AGBL4: variants seen among roughly 807,000 people sequenced by gnomAD.
AGBL4 encodes the protein AGBL carboxypeptidase 4.
AGBL4 carries 58 observed loss-of-function variants against 66.4 expected under a neutral mutation model. The ratio of observed to expected loss-of-function variants is 0.87; its 90% CI spans 0.71 to 1.09. The LOEUF (loss-of-function observed/expected upper bound fraction) is 1.09. Ranked by LOEUF, AGBL4 falls within the 50% of genes least tolerant of loss-of-function variation. The probability of loss-of-function intolerance (pLI) is 0.00; values close to 1 mark genes in which losing one functional copy is unlikely to be tolerated. For missense variants in AGBL4, 579 were observed against 631.0 expected, an observed-to-expected ratio of 0.92 and a Z score of 0.88; for synonymous variants, 234 against 222.9, an observed-to-expected ratio of 1.05 and a Z score of -0.44.
intron 3 of AGBL4, among the ~76,000 whole-genome samples, chr1:49,342,500 T>C (rs1354987009): frequency 6.6e-6 from 1 of 152,182 alleles, no homozygotes; most frequent in East Asian, 1.9e-4. Flanking sequence ...TTTGTGACCA[T>C]GTGGGGGTAA....
At chr1:49,174,152 T>C (rs1646788881) in intron 4 of AGBL4, among the ~76,000 whole-genome samples, 1 of 152,104 alleles carries the variant, frequency 6.6e-6, no homozygotes, top group South Asian at 2.1e-4. Context: ...TAAACAAAAA[T>C]GGGCAATGAA....
chr1:49,095,612 G>T (rs1412190387), intron 4 of AGBL4, among the ~76,000 whole-genome samples: 3 of 151,822 alleles, frequency 2.0e-5, no homozygotes, highest in Non-Finnish European at 4.4e-5. Flanking sequence ...TTAATAAATG[G>T]TGCTGGGAAA....
intron 4 of AGBL4, among the ~76,000 whole-genome samples, chr1:49,161,406 G>C (rs1646539616): frequency 1.3e-5 from 2 of 152,132 alleles, no homozygotes; most frequent in African/African-American, 4.8e-5. Context: ...GTCCCAATGA[G>C]ATGAACTGGT....
chr1:49,029,457 T>C (rs943776877), intron 5 of AGBL4, among the ~76,000 whole-genome samples: 3 of 152,112 alleles, frequency 2.0e-5, no homozygotes, highest in African/African-American at 7.2e-5. Flanking sequence ...GGATAAAATA[T>C]GTAGAAATGA....
At chr1:48,522,535 C>G in the AGBL4 span, among the ~76,000 whole-genome samples, 1 of 152,174 alleles carries the variant, frequency 6.6e-6, no homozygotes, top group Non-Finnish European at 1.5e-5. Context: ...AGATAAAACA[C>G]TGCTTTATTT....
chr1:49,661,529 C>T (rs1337083912), intron 3 of AGBL4, among the ~76,000 whole-genome samples: 1 of 152,272 alleles, frequency 6.6e-6, no homozygotes, highest in Non-Finnish European at 1.5e-5. Flanking sequence ...ACACTGATTA[C>T]CCCTTTGCCT....
intron 1 of AGBL4, among the ~76,000 whole-genome samples, chr1:49,873,718 C>T (rs796494822): frequency 7.2e-5 from 11 of 152,104 alleles, no homozygotes; most frequent in African/African-American, 2.4e-4. Flanking sequence ...AATATTGAAG[C>T]CCTCAAAATC....
chr1:49,551,466 G>T (rs1403303828), intron 3 of AGBL4, among the ~76,000 whole-genome samples: 1 of 152,180 alleles, frequency 6.6e-6, no homozygotes, highest in Non-Finnish European at 1.5e-5. Flanking sequence ...TTACTGTTCA[G>T]ATTCTTTTGT....
At chr1:49,369,550 C>G (rs1644300943) in intron 3 of AGBL4, among the ~76,000 whole-genome samples, 1 of 152,098 alleles carries the variant, frequency 6.6e-6, no homozygotes, top group Non-Finnish European at 1.5e-5. Context: ...TGTTTCCAGG[C>G]CTTGGCACAG....
chr1:49,535,984 C>T (rs1297554003), intron 3 of AGBL4, among the ~76,000 whole-genome samples: 1 of 152,192 alleles, frequency 6.6e-6, no homozygotes, highest in African/African-American at 2.4e-5. Flanking sequence ...AGCCACCGTG[C>T]CCCAGTGAAA....
chr1:48,766,844 G>A (rs898285835), intron 6 of AGBL4, among the ~76,000 whole-genome samples: 2 of 152,196 alleles, frequency 1.3e-5, no homozygotes, highest in Non-Finnish European at 2.9e-5. Context: ...TCTGCAGGCA[G>A]TGAACATTTA....
intron 3 of AGBL4, among the ~76,000 whole-genome samples, chr1:49,277,058 A>C (rs768590493): frequency 6.6e-6 from 1 of 152,184 alleles, no homozygotes; most frequent in Non-Finnish European, 1.5e-5. Flanking sequence ...GAAAAACTGA[A>C]AAAGGGAAAG....
Position 49,559,002 on chromosome 1 carries a change from CT to C in AGBL4, c.282+138310del, listed in dbSNP as rs1225475886. ...TGGTACCTCTGGACCCTCCTGGGGC[CT>C]GGGGGAACTCGCCATCCTGAAGGGA... is the stretch of plus-strand genomic sequence containing the variant. On this transcript the variant is annotated intron_variant, in intron 3 of 13. Transcript: ENST00000371839. Among the ~76,000 whole-genome samples the C allele has an allele frequency of 3.9e-5, 6 of 152,120 alleles. 1 individual carries two copies. The highest frequency in any genetic ancestry group is 1.4e-4 in the African/African-American group (6 of 41,428).
intron 2 of AGBL4, among the ~76,000 whole-genome samples, chr1:49,730,205 T>C (rs995382343): frequency 7.2e-5 from 11 of 152,044 alleles, no homozygotes; most frequent in African/African-American, 2.7e-4. Flanking sequence ...TCAATAAAAT[T>C]ATTTTCTGCC....
At chr1:49,550,314 A>G (rs1041885101) in intron 3 of AGBL4, among the ~76,000 whole-genome samples, 1 of 152,220 alleles carries the variant, frequency 6.6e-6, no homozygotes, top group Admixed American at 6.5e-5. Flanking sequence ...CGTTACATTC[A>G]TAGTGCTATT....
chr1:49,938,907 A>T (rs2148286900), intron 1 of AGBL4, among the ~76,000 whole-genome samples: 1 of 152,206 alleles, frequency 6.6e-6, no homozygotes, highest in East Asian at 1.9e-4. Flanking sequence ...AGAGGAAGTC[A>T]AATTGTCCCT....
At chr1:48,858,340 GATAAT>G (rs1196741215) in intron 6 of AGBL4, among the ~76,000 whole-genome samples, 2 of 152,158 alleles carry the variant, frequency 1.3e-5, no homozygotes, top group African/African-American at 4.8e-5. Context: ...ACATATGCAA[GATAAT>G]TAAAAACATC....
chr1:49,034,582 A>T (rs1664487527), intron 5 of AGBL4, among the ~76,000 whole-genome samples: 1 of 152,084 alleles, frequency 6.6e-6, no homozygotes, highest in East Asian at 1.9e-4. Context: ...TAGTTCCCAT[A>T]ATCCCCATGT....
chr1:48,600,241 G>A (rs1025691193), intron 9 of AGBL4, among the ~76,000 whole-genome samples: 7 of 152,150 alleles, frequency 4.6e-5, no homozygotes, highest in African/African-American at 1.4e-4. Context: ...AAATGAATGG[G>A]CCAGCTATCT....
Sources: allele counts gnomAD v4.1 joint callset (sites outside exome capture counted in the v4.1 genomes callset), GRCh38; gene constraint gnomAD v4.1.1; transcripts MANE v1.5; gene names NCBI Gene and HGNC (gene_info 2026-07-23, HGNC 2026-07-21).